ACTR6: variants seen among roughly 807,000 people sequenced by gnomAD.
The protein encoded by ACTR6 is actin related protein 6.
ACTR6 carries 50 observed loss-of-function variants against 52.5 expected under a neutral mutation model. The ratio of observed to expected loss-of-function variants is 0.95; its 90% CI spans 0.76 to 1.20. The LOEUF is 1.20. Among genes scored for constraint, ACTR6 ranks in the 50% most tolerant of loss-of-function variants. The pLI is 0.00. For synonymous variants in ACTR6, 135 were observed against 147.2 expected, an observed-to-expected ratio of 0.92 and a Z score of 0.60; for missense variants, 344 against 472.4, an observed-to-expected ratio of 0.73 and a Z score of 2.52.
chr12:100,211,935 G>C (rs2096120208), intron 6 of ACTR6, among the ~76,000 whole-genome samples: 1 of 152,134 alleles, frequency 6.6e-6, no homozygotes, highest in African/African-American at 2.4e-5. Flanking sequence ...AAAGTGCATA[G>C]AGTTAAGGCA....
chr12:100,202,214 A>G (rs2096110343), intron 1 of ACTR6, among the ~76,000 whole-genome samples: 1 of 152,142 alleles, frequency 6.6e-6, no homozygotes, highest in Non-Finnish European at 1.5e-5. Flanking sequence ...TACAGGTGTG[A>G]GCCACCGCAC....
rs536504790 is a variant in ACTR6 at position 100,211,231 on chromosome 12, TTGAAGA to T, written c.572+884_572+889del. 2.1e-3 allele frequency among the ~76,000 whole-genome samples: 321 copies of T among 152,260 alleles called. 1 individual carries two copies. The highest frequency in any genetic ancestry group is 7.3e-3 in the African/African-American group (303 of 41,552). ...ACCAATACACAAAAATGGATAAGTG[TTGAAGA>T]TGATGAATATTCTAGTTATCCTGAT... On this transcript the variant is annotated intron_variant, in intron 6 of 10. Coordinates refer to ENST00000188312, the MANE Select transcript of ACTR6 (RefSeq NM_022496.5).
rs1438013280 is a variant in ACTR6, at chr12:100,218,874, T to C, written c.922+288T>C. On this transcript the variant is annotated intron_variant, in intron 9 of 10. Coordinates refer to ENST00000188312, the MANE Select transcript of ACTR6 (RefSeq NM_022496.5). This position sits in a 1 kb window ranked among gnomAD's most constrained non-coding sequence, Gnocchi z 4.2. ...AATTGCCATATCCATTTTAGGAAAG[T>C]TTTAATTTAACCCAGATCTGTACAG... Among the ~76,000 whole-genome samples the C allele has an allele frequency of 6.6e-6, 1 of 152,070 alleles. No homozygotes were observed. The highest frequency in any genetic ancestry group is 1.5e-5 in the Non-Finnish European group (1 of 68,020).
At chr12:100,212,399 G>C in intron 7 of ACTR6, 45 bp downstream of exon 7, 1 of 1,590,664 alleles carries the variant, frequency 6.3e-7, no homozygotes, top group Non-Finnish European at 8.6e-7. Context: ...GATTGTTAGG[G>C]GATGTTACAC....
At chr12:100,208,494 T>TG (rs2096116952) in intron 4 of ACTR6, among the ~76,000 whole-genome samples, 1 of 152,048 alleles carries the variant, frequency 6.6e-6, no homozygotes, top group African/African-American at 2.4e-5. Flanking sequence ...AGGCTGGTCT[T>TG]GAACTCCTGA....
At chr12:100,208,191 G>A (rs989607253) in intron 4 of ACTR6, among the ~76,000 whole-genome samples, 1 of 151,830 alleles carries the variant, frequency 6.6e-6, no homozygotes. Context: ...CTTGAATATG[G>A]ATATGAACCA....
At chr12:100,208,906 C>A in intron 4 of ACTR6, 1 of 379,858 alleles carries the variant, frequency 2.6e-6, no homozygotes, top group South Asian at 1.9e-5. Context: ...GCTGCCACAT[C>A]TGGCTGATTT....
At chr12:100,222,675 A>G (rs2096129263) in intron 10 of ACTR6, among the ~76,000 whole-genome samples, 1 of 152,208 alleles carries the variant, frequency 6.6e-6, no homozygotes, top group Admixed American at 6.5e-5. Flanking sequence ...AGCTAGGACT[A>G]CAGGTATATG....
At chr12:100,209,388 G>A (rs75411954) in intron 4 of ACTR6, among the ~76,000 whole-genome samples, 6,967 of 152,178 alleles carry the variant, frequency 0.046, 512 homozygotes, top group African/African-American at 0.16. Flanking sequence ...AGGCATGGTG[G>A]TGCATGTGTA....
rs1024851922 is a variant in ACTR6, at chr12:100,212,790, G to A, written c.750+262G>A. 2.6e-5 allele frequency among the ~76,000 whole-genome samples: 4 copies of A among 152,040 alleles called. No homozygotes were observed. The East Asian group carries it at 7.7e-4, about 29-fold the overall frequency. On this transcript the variant is annotated intron_variant, in intron 8 of 10. Transcript: ENST00000188312. ...GGAGGCTGAGGCAGGTGGATCACTAGGTCAGGAGTTCAAAACCAGCCTGGC... is the reference window on the plus strand; with the variant it reads ...GGAGGCTGAGGCAGGTGGATCACTAAGTCAGGAGTTCAAAACCAGCCTGGC...
In ACTR6 at chr12:100,223,803, G is replaced by A; in HGVS notation, c.1079G>A (p.Trp360Ter). 1.2e-6 allele frequency: 2 copies of A among 1,608,564 alleles called. No individual in the cohort carries two copies. Among genetic ancestry groups the A allele is most frequent in the Non-Finnish European group, 1.7e-6 (2 of 1,178,290 alleles). The change falls in exon 11 of 11, where the codon TGG (tryptophan) becomes TAG (stop). Residue 360 changes from tryptophan (W) to a stop codon, truncating the protein, a stop_gained. Transcript: ENST00000188312. LOFTEE classifies it high-confidence loss of function. Reference sequence around the variant, plus strand: ...ATTTTCAGCCCTATTACTTATGCCTGGGAAGGTGGAAAATTGATATCAGAG... The same window carrying A: ...ATTTTCAGCCCTATTACTTATGCCTAGGAAGGTGGAAAATTGATATCAGAG... ...VLPENPITYA[W>*]EGGKLISEND...
At chr12:100,213,518 G>C (rs990936168) in intron 8 of ACTR6, among the ~76,000 whole-genome samples, 21 of 152,162 alleles carry the variant, frequency 1.4e-4, no homozygotes, top group African/African-American at 5.1e-4. Flanking sequence ...AGCACATAGG[G>C]CAAATCTGGA....
At chr12:100,212,905 G>C (rs1241001256) in intron 8 of ACTR6, among the ~76,000 whole-genome samples, 2 of 151,284 alleles carry the variant, frequency 1.3e-5, no homozygotes, top group African/African-American at 4.9e-5. Context: ...TACTTGGGAG[G>C]CTGAGGCAGG....
At chr12:100,209,689 C>A (rs946778567) in intron 4 of ACTR6, among the ~76,000 whole-genome samples, 1 of 152,190 alleles carries the variant, frequency 6.6e-6, no homozygotes, top group Non-Finnish European at 1.5e-5. Context: ...CTTCTCTGAG[C>A]TTCAGGTTCC....
chr12:100,208,545 G>A (rs2096116988), intron 4 of ACTR6, among the ~76,000 whole-genome samples: 1 of 152,164 alleles, frequency 6.6e-6, no homozygotes, highest in African/African-American at 2.4e-5. Flanking sequence ...AAAATGCTGG[G>A]ATTACAGGCA....
chr12:100,201,022 G>T, intron 1 of ACTR6, 103 bp downstream of exon 1: 1 of 1,588,912 alleles, frequency 6.3e-7, no homozygotes, highest in Non-Finnish European at 8.6e-7. Flanking sequence ...CCCCCGCGCG[G>T]CCCTGACTTA....
intron 6 of ACTR6, among the ~76,000 whole-genome samples, 155 bp from the exon 7 acceptor site, chr12:100,212,101 G>A (rs985038393): frequency 6.6e-6 from 1 of 152,088 alleles, no homozygotes; most frequent in Non-Finnish European, 1.5e-5. Context: ...GGAAGTGACA[G>A]TATTCCATAA....
Position 100,200,932 on chromosome 12 carries a change from T to C in ACTR6, c.68+13T>C. On this transcript the variant is annotated intron_variant, in intron 1 of 10. Coordinates refer to ENST00000188312, the MANE Select transcript of ACTR6 (RefSeq NM_022496.5). ...ATGAAAATGTGTCGTAAGTACTTTC[T>C]TTCTCCGAGGGACAAGATATATACG... 1.9e-6 allele frequency: 3 copies of C among 1,614,084 alleles called. No individual in the cohort carries two copies. Among genetic ancestry groups the C allele is most frequent in the Non-Finnish European group, 2.5e-6 (3 of 1,179,960 alleles).
intron 10 of ACTR6, among the ~76,000 whole-genome samples, chr12:100,221,434 A>G (rs2096128200): frequency 6.6e-6 from 1 of 152,204 alleles, no homozygotes; most frequent in South Asian, 2.1e-4. Flanking sequence ...TAATGTTCAT[A>G]TGTTCTTAAG....
Sources: gnomAD v4.1 joint callset for allele counts (sites outside exome capture counted in the v4.1 genomes callset) on GRCh38, gnomAD v4.1.1 for gene constraint, Gnocchi (gnomAD v3.1) non-coding constraint, MANE v1.5 for transcripts, NCBI Gene and HGNC (gene_info 2026-07-23, HGNC 2026-07-21) for gene names.